Variants in CNTNAP4 observed in about 807,000 individuals in gnomAD.
CNTNAP4 encodes the protein contactin-associated protein-like 4.
Under a neutral mutation model 148.4 loss-of-function variants are expected in CNTNAP4, and 98 were observed. The ratio of observed to expected loss-of-function variants is 0.66; its 90% CI spans 0.56 to 0.78. CNTNAP4 has a LOEUF of 0.78. CNTNAP4 is among the 30% of genes least tolerant of loss of function. The probability of loss-of-function intolerance (pLI) is 0.00; values close to 1 mark genes in which losing one functional copy is unlikely to be tolerated. For missense variants in CNTNAP4, 1,935 were observed against 1,565.6 expected (o/e 1.24, Z -3.98); for synonymous variants, 730 against 565.1 (o/e 1.29, Z -4.14).
chr16:76,446,234 A>G (rs777943873), intron 4 of CNTNAP4, among the ~76,000 whole-genome samples: 4 of 152,222 alleles, frequency 2.6e-5, no homozygotes, highest in Non-Finnish European at 5.9e-5. Context: ...TAGCTATAAT[A>G]ACTTTGTCAC....
At chr16:76,392,847 G>T (rs991918594) in intron 3 of CNTNAP4, among the ~76,000 whole-genome samples, 3 of 152,200 alleles carry the variant, frequency 2.0e-5, no homozygotes, top group African/African-American at 7.2e-5. Flanking sequence ...ACAGCTTGAA[G>T]ATGCCTGTCA....
chr16:76,369,837 G>T (rs973661059), intron 3 of CNTNAP4, among the ~76,000 whole-genome samples: 6 of 152,072 alleles, frequency 3.9e-5, no homozygotes, highest in Non-Finnish European at 8.8e-5. Context: ...GTGAGACCCT[G>T]TTTCAAAGAG....
At chr16:76,551,320 C>T (rs944006237) in intron 21 of CNTNAP4, among the ~76,000 whole-genome samples, 2 of 151,606 alleles carry the variant, frequency 1.3e-5, no homozygotes, top group Admixed American at 1.3e-4. Flanking sequence ...ATTACTTGAG[C>T]CTGGGAGGCA....
At chr16:76,424,919 T>C (rs1324418617) in intron 3 of CNTNAP4, among the ~76,000 whole-genome samples, 2 of 152,158 alleles carry the variant, frequency 1.3e-5, no homozygotes, top group Admixed American at 6.5e-5. Flanking sequence ...TAAAAGAAAT[T>C]GAAATAATCG....
At chr16:76,333,943 C>T (rs895560340) in intron 2 of CNTNAP4, among the ~76,000 whole-genome samples, 17 of 151,724 alleles carry the variant, frequency 1.1e-4, no homozygotes, top group Non-Finnish European at 2.2e-4. Context: ...TTTGAATGAT[C>T]GCCATTCTAA....
At chr16:76,502,707 T>G (rs922832770) in intron 15 of CNTNAP4, among the ~76,000 whole-genome samples, 1 of 152,136 alleles carries the variant, frequency 6.6e-6, no homozygotes, top group Non-Finnish European at 1.5e-5. Flanking sequence ...GATTTAGATG[T>G]AAGATTGAGA....
At chr16:76,524,796 T>G (rs994977640) in intron 17 of CNTNAP4, among the ~76,000 whole-genome samples, 1 of 152,114 alleles carries the variant, frequency 6.6e-6, no homozygotes, top group African/African-American at 2.4e-5. Flanking sequence ...TTGATTATAT[T>G]TAAGTCAAGT....
At chr16:76,332,882 T>A (rs1383420260) in intron 2 of CNTNAP4, among the ~76,000 whole-genome samples, 1 of 152,134 alleles carries the variant, frequency 6.6e-6, no homozygotes, top group East Asian at 1.9e-4. Flanking sequence ...GCAGCGCTTG[T>A]ACATAATGGA....
chr16:76,523,495 T>A (rs74025027), intron 17 of CNTNAP4, among the ~76,000 whole-genome samples: 5,561 of 152,254 alleles, frequency 0.037, 310 homozygotes, highest in African/African-American at 0.12. Flanking sequence ...TCCTTCTGGA[T>A]GTGTTTGTTT....
At chr16:76,450,597 G>T in intron 7 of CNTNAP4, among the ~76,000 whole-genome samples, 1 of 152,212 alleles carries the variant, frequency 6.6e-6, no homozygotes, top group East Asian at 1.9e-4. Context: ...AAATAAAAGA[G>T]ACGAACAGAC....
rs1052088476 is a variant in CNTNAP4, at chr16:76,384,545, C to G, written c.390+29034C>G. Among the ~76,000 whole-genome samples, 5 of 152,142 alleles carry G rather than the reference C, an allele frequency of 3.3e-5. 1 individual carries two copies. The highest frequency in any genetic ancestry group is 7.3e-5 in the Non-Finnish European group (5 of 68,038). On this transcript the variant is annotated intron_variant, in intron 3 of 23. Transcript: ENST00000611870. ...GCCATGTAGCTTTGGTTGTGACTGA[C>G]TTGCTTTTCATTCTCCCGCACTTGG...
rs557491130 is a variant in CNTNAP4, at chr16:76,539,747, T to C, written c.3249T>C (p.Asn1083=). ...NGSLQIRYKL[N]KYQEPDVVNF... is the part of the protein sequence containing the mutation. Reference sequence around the variant, plus strand: ...GTTTGCAGATCAGGTACAAGTTAAATAAATATCAAGAGCCTGATGTTGTTA... The same window carrying C: ...GTTTGCAGATCAGGTACAAGTTAAACAAATATCAAGAGCCTGATGTTGTTA... The change falls in exon 20 of 24, where the codon AAT becomes AAC. Residue 1083 remains asparagine, a synonymous_variant. Transcript: ENST00000611870. 1 of 1,599,916 alleles carries C rather than the reference T, an allele frequency of 6.3e-7. No individual in the cohort carries two copies. The highest frequency in any genetic ancestry group is 1.3e-5 in the African/African-American group (1 of 74,084).
chr16:76,444,910 G>T (rs2080182884), intron 4 of CNTNAP4, among the ~76,000 whole-genome samples: 1 of 152,094 alleles, frequency 6.6e-6, no homozygotes, highest in Non-Finnish European at 1.5e-5. Context: ...TGATGCGACT[G>T]TAGCCAGTTT....
intron 4 of CNTNAP4, among the ~76,000 whole-genome samples, chr16:76,442,355 T>A (rs1301240156): frequency 6.6e-6 from 1 of 152,172 alleles, no homozygotes; most frequent in Non-Finnish European, 1.5e-5. Flanking sequence ...AGATAATAAA[T>A]TTGTGATATA....
intron 13 of CNTNAP4, among the ~76,000 whole-genome samples, chr16:76,490,178 T>C (rs1465764067): frequency 6.6e-6 from 1 of 152,250 alleles, no homozygotes; most frequent in Admixed American, 6.5e-5. Flanking sequence ...ACTCAGTGAA[T>C]GCACAGTGTT....
chr16:76,545,146 T>C (rs2084653661), intron 21 of CNTNAP4, among the ~76,000 whole-genome samples: 1 of 152,240 alleles, frequency 6.6e-6, no homozygotes, highest in African/African-American at 2.4e-5. Context: ...AATCAAAATC[T>C]ATCTTACAAT....
chr16:76,479,911 A>C (rs1334268662), intron 12 of CNTNAP4, among the ~76,000 whole-genome samples: 2 of 152,206 alleles, frequency 1.3e-5, no homozygotes, highest in African/African-American at 4.8e-5. Flanking sequence ...ATTTACATAG[A>C]AATTAATAAA....
chr16:76,421,589 G>A (rs894028017), intron 3 of CNTNAP4, among the ~76,000 whole-genome samples: 1 of 151,940 alleles, frequency 6.6e-6, no homozygotes, highest in Non-Finnish European at 1.5e-5. Context: ...TAACCTTTTG[G>A]GAGGCACATT....
chr16:76,321,626 A>G (rs574854095), intron 2 of CNTNAP4, among the ~76,000 whole-genome samples: 1 of 151,854 alleles, frequency 6.6e-6, no homozygotes, highest in Non-Finnish European at 1.5e-5. Flanking sequence ...CATCTCTACT[A>G]AAAATACAAA....
Sources: gnomAD v4.1 joint callset for allele counts (sites outside exome capture counted in the v4.1 genomes callset) on GRCh38, gnomAD v4.1.1 for gene constraint, MANE v1.5 for transcripts, NCBI Gene and HGNC (gene_info 2026-07-23, HGNC 2026-07-21) for gene names.